The following ZFP1 variants were observed in gnomAD, a reference collection of about 807,000 sequenced individuals.
ZFP1 encodes the protein zinc finger protein 1 homolog.
Under a neutral mutation model 38.5 loss-of-function variants are expected in ZFP1, and 32 were observed. The ratio of observed to expected loss-of-function variants is 0.83; its 90% confidence interval spans 0.63 to 1.12. The LOEUF (loss-of-function observed/expected upper bound fraction) is 1.12, where lower values mean the gene tolerates loss of function less well. Among genes scored for constraint, ZFP1 ranks in the 50% most tolerant of loss-of-function variants. The pLI is 0.00. For synonymous variants in ZFP1, 245 were observed against 168.8 expected (o/e 1.45, Z -3.50); for missense variants, 616 against 480.8 (o/e 1.28, Z -2.63).
At chr16:75,159,972 C>T (rs768391413) in intron 2 of ZFP1, among the ~76,000 whole-genome samples, 2 of 152,150 alleles carry the variant, frequency 1.3e-5, no homozygotes, top group African/African-American at 4.8e-5. Context: ...CTCTATCTTT[C>T]TGGATTCAGA....
chr16:75,145,677 G>A (rs2145479465), upstream of ZFP1, among the ~76,000 whole-genome samples: 1 of 152,280 alleles, frequency 6.6e-6, no homozygotes, highest in South Asian at 2.1e-4. Context: ...GATGGTCAGA[G>A]AGGAATTTGG....
the ZFP1 span, among the ~76,000 whole-genome samples, chr16:75,136,923 T>G: frequency 3.3e-5 from 5 of 152,218 alleles, no homozygotes; most frequent in South Asian, 1.0e-3. Context: ...TATATGTATA[T>G]GCACACCTTA....
At chr16:75,132,306 T>C in the ZFP1 span, among the ~76,000 whole-genome samples, 1 of 152,008 alleles carries the variant, frequency 6.6e-6, no homozygotes, top group Admixed American at 6.6e-5. Flanking sequence ...GGAGGATCAC[T>C]TGAGTCTGGG....
the ZFP1 span, among the ~76,000 whole-genome samples, chr16:75,135,764 A>T: frequency 6.6e-6 from 1 of 152,202 alleles, no homozygotes; most frequent in South Asian, 2.1e-4. Context: ...ACTTTACCAC[A>T]CTGAGTGAAA....
chr16:75,161,775 T>TATATATA (rs59261786), intron 2 of ZFP1, among the ~76,000 whole-genome samples: 6 of 6,262 alleles, frequency 9.6e-4, no homozygotes, highest in African/African-American at 2.0e-3. Context: ...TATATATATA[T>TATATATA]TTTTTTTTTT....
At position 75,152,914 on chromosome 16, in the gene ZFP1, C is replaced by A. The variant is rs191305647; in HGVS notation, c.-38C>A. On this transcript the variant is annotated 5_prime_UTR_variant, in exon 2 of 4. Coordinates refer to ENST00000570010, the MANE Select transcript of ZFP1 (RefSeq NM_153688.4). Reference sequence around the variant, plus strand: ...TCCTTTTTCCTCTATTCCAGTTCTGCCTTCATAGTTCTCTGCCTTTGCCCA... The same window carrying A: ...TCCTTTTTCCTCTATTCCAGTTCTGACTTCATAGTTCTCTGCCTTTGCCCA... The A allele has an allele frequency of 1.2e-6, 2 of 1,612,722 alleles. No homozygotes were observed. The highest frequency in any genetic ancestry group is 2.2e-5 in the East Asian group (1 of 44,844).
At chr16:75,128,323 T>G in the ZFP1 span, among the ~76,000 whole-genome samples, 5 of 152,218 alleles carry the variant, frequency 3.3e-5, no homozygotes, top group Non-Finnish European at 7.3e-5. Flanking sequence ...AAAAGTCTTA[T>G]CTGAGATTCC....
intron 2 of ZFP1, among the ~76,000 whole-genome samples, chr16:75,162,662 C>G (rs1054884751): frequency 1.3e-5 from 2 of 152,008 alleles, no homozygotes; most frequent in African/African-American, 4.8e-5. Flanking sequence ...TGCCTTTGCC[C>G]CTCCCTTCCC....
At chr16:75,123,790 C>T in the ZFP1 span, among the ~76,000 whole-genome samples, 2 of 148,382 alleles carry the variant, frequency 1.3e-5, no homozygotes, top group South Asian at 4.7e-4. Context: ...AACATTCTTT[C>T]TTAAAAAAAG....
At chr16:75,122,488 G>T in the ZFP1 span, among the ~76,000 whole-genome samples, 1 of 152,126 alleles carries the variant, frequency 6.6e-6, no homozygotes, top group Non-Finnish European at 1.5e-5. Context: ...GAAGCTAGGG[G>T]GCAAAGAGAA....
At chr16:75,121,327 G>A in the ZFP1 span, among the ~76,000 whole-genome samples, 18 of 151,914 alleles carry the variant, frequency 1.2e-4, no homozygotes, top group Middle Eastern at 6.8e-3. Context: ...GGGTTTCGCC[G>A]TGTTAGCCAG....
intron 2 of ZFP1, among the ~76,000 whole-genome samples, chr16:75,163,618 TTTGTTG>T (rs1004911698): frequency 6.6e-6 from 1 of 151,236 alleles, no homozygotes; most frequent in Non-Finnish European, 1.5e-5. Flanking sequence ...GCCTTTTTTT[TTTGTTG>T]TTGTTGAGAC....
chr16:75,150,653 T>G (rs1469539732), intron 1 of ZFP1, among the ~76,000 whole-genome samples: 1 of 152,174 alleles, frequency 6.6e-6, no homozygotes, highest in Non-Finnish European at 1.5e-5. Flanking sequence ...TTTAGTAGAC[T>G]CCTGGTCTCA....
At chr16:75,128,208 G>A in the ZFP1 span, among the ~76,000 whole-genome samples, 47,843 of 152,018 alleles carry the variant, frequency 0.31, 7,721 homozygotes, top group Non-Finnish European at 0.34. Context: ...ATGTCACTGT[G>A]GGGCCCAGGA....
the ZFP1 span, among the ~76,000 whole-genome samples, chr16:75,142,059 A>G: frequency 4.9e-5 from 2 of 40,828 alleles, no homozygotes; most frequent in African/African-American, 1.1e-4. Flanking sequence ...ATCTCAAAGA[A>G]AAAAAAAAAA....
intron 2 of ZFP1, among the ~76,000 whole-genome samples, chr16:75,161,737 A>G (rs2037786263): frequency 8.7e-6 from 1 of 115,420 alleles, no homozygotes; most frequent in Non-Finnish European, 1.7e-5. Context: ...AAATACAAAT[A>G]AAGCATAGTA....
the ZFP1 span, among the ~76,000 whole-genome samples, chr16:75,131,475 A>T: frequency 6.6e-6 from 1 of 152,120 alleles, no homozygotes; most frequent in Non-Finnish European, 1.5e-5. Context: ...GAGAAGCATC[A>T]CGTTGCTAAC....
At chr16:75,162,428 T>G (rs1309752871) in intron 2 of ZFP1, among the ~76,000 whole-genome samples, 2 of 152,176 alleles carry the variant, frequency 1.3e-5, no homozygotes, top group Non-Finnish European at 2.9e-5. Flanking sequence ...AGCCCAAGTA[T>G]AGGTCAACTT....
At chr16:75,128,753 C>A in the ZFP1 span, among the ~76,000 whole-genome samples, 1 of 152,166 alleles carries the variant, frequency 6.6e-6, no homozygotes, top group African/African-American at 2.4e-5. Flanking sequence ...ATAACAGCAA[C>A]CTATTTATAT....
Sources: allele counts gnomAD v4.1 joint callset (sites outside exome capture counted in the v4.1 genomes callset), GRCh38; gene constraint gnomAD v4.1.1; transcripts MANE v1.5; gene names NCBI Gene and HGNC (gene_info 2026-07-23, HGNC 2026-07-21).